Variants in SLC10A2 observed in about 807,000 individuals in gnomAD.
The protein encoded by SLC10A2 is solute carrier family 10 member 2.
SLC10A2 carries 34 observed loss-of-function variants against 27.1 expected under a neutral mutation model. That is an observed-to-expected ratio of 1.26 (90% CI 0.96 to 1.67). The LOEUF is 1.67. Among genes scored for constraint, SLC10A2 ranks in the 40% most tolerant of loss-of-function variants. The pLI is 0.00. For synonymous variants in SLC10A2, 205 were observed against 174.0 expected, an observed-to-expected ratio of 1.18 and a Z score of -1.40; for missense variants, 530 against 444.4, an observed-to-expected ratio of 1.19 and a Z score of -1.73.
chr13:103,062,976 T>C (rs1595443017), intron 1 of SLC10A2, among the ~76,000 whole-genome samples: 1 of 152,130 alleles, frequency 6.6e-6, no homozygotes, highest in East Asian at 1.9e-4. Context: ...AAAAAGGAGA[T>C]AGGATGTTTC....
At chr13:103,059,166 G>A (rs1470775582) in intron 1 of SLC10A2, among the ~76,000 whole-genome samples, 1 of 152,160 alleles carries the variant, frequency 6.6e-6, no homozygotes, top group Non-Finnish European at 1.5e-5. Flanking sequence ...GATGTGATAT[G>A]GCATTTCATT....
chr13:103,049,893 C>G (rs1362202482), intron 4 of SLC10A2, among the ~76,000 whole-genome samples: 5 of 152,144 alleles, frequency 3.3e-5, no homozygotes, highest in Non-Finnish European at 7.3e-5. Context: ...GTAATCTCAG[C>G]ACTTTGGGAG....
intron 3 of SLC10A2, among the ~76,000 whole-genome samples, chr13:103,052,115 G>T (rs1875801158): frequency 6.6e-6 from 1 of 152,212 alleles, no homozygotes; most frequent in Non-Finnish European, 1.5e-5. Context: ...GAATGGGATT[G>T]CCAGGCAATG....
intron 5 of SLC10A2, among the ~76,000 whole-genome samples, chr13:103,047,472 A>G (rs1158725512): frequency 2.0e-5 from 3 of 150,364 alleles, no homozygotes; most frequent in African/African-American, 7.4e-5. Flanking sequence ...ACCAAACTAT[A>G]CCTCTTGTTT....
chr13:103,044,523 A>C lies in SLC10A2; in HGVS notation c.*1610T>G, dbSNP rs1875550530. 6.6e-6 allele frequency: 1 copy of C among 152,174 alleles called. No homozygotes were observed. Among genetic ancestry groups the C allele is most frequent in the Admixed American group, 6.6e-5 (1 of 15,260 alleles). The allele number at this position is 152,174 out of a possible 1,614,324, so 9.4% of individuals were successfully genotyped here. A position where few individuals can be genotyped will look rare whatever the true frequency, so the allele number is the denominator to read the frequency against. ...ATTTTGTATTTGTCTAATGATGGAA[A>C]AATATGAAGTACTTATTCAACTGTA... On this transcript the variant is annotated 3_prime_UTR_variant, in exon 6 of 6. Coordinates refer to ENST00000245312, the MANE Select transcript of SLC10A2 (RefSeq NM_000452.3).
intron 1 of SLC10A2, among the ~76,000 whole-genome samples, chr13:103,059,570 G>C (rs1378609686): frequency 6.6e-6 from 1 of 152,150 alleles, no homozygotes; most frequent in Non-Finnish European, 1.5e-5. Context: ...ACTTTGCCTT[G>C]TGCCGTCCTT....
intron 2 of SLC10A2, among the ~76,000 whole-genome samples, chr13:103,053,081 GGTGTGTGTGTGTGTGTGTGT>G (rs143709540): frequency 1.0e-4 from 15 of 145,180 alleles, no homozygotes; most frequent in South Asian, 4.6e-4. Context: ...AGCTCACCAA[GGTGTGTGTGTGTGTGTGTGT>G]GTGTGTGTGT....
intron 4 of SLC10A2, among the ~76,000 whole-genome samples, chr13:103,050,775 T>A (rs117527957): frequency 6.6e-6 from 1 of 152,300 alleles, no homozygotes; most frequent in East Asian, 1.9e-4. Context: ...GGGCTAAGGA[T>A]TTTGATCCTG....
intron 1 of SLC10A2, among the ~76,000 whole-genome samples, chr13:103,064,536 C>G: frequency 6.6e-6 from 1 of 152,128 alleles, no homozygotes; most frequent in South Asian, 2.1e-4. Flanking sequence ...TATGAGAAAG[C>G]TGTTTATTGG....
At chr13:103,063,095 C>T (rs76618639) in intron 1 of SLC10A2, among the ~76,000 whole-genome samples, 5,296 of 152,258 alleles carry the variant, frequency 0.035, 141 homozygotes, top group Middle Eastern at 0.078. Context: ...ACAGCTGCAA[C>T]TTAGGTGAAA....
At position 103,045,709 on chromosome 13, in the gene SLC10A2, G is replaced by A. The variant is rs149882170; in HGVS notation, c.*424C>T. The A allele has an allele frequency of 7.7e-5, 12 of 155,762 alleles. No homozygotes were observed. The East Asian group carries it at 1.3e-3, about 17-fold the overall frequency. The allele number at this position is 155,762 out of a possible 1,614,324, so 9.6% of individuals were successfully genotyped here. A position where few individuals can be genotyped will look rare whatever the true frequency, so the allele number is the denominator to read the frequency against. On this transcript the variant is annotated 3_prime_UTR_variant, in exon 6 of 6. Coordinates refer to ENST00000245312, the MANE Select transcript of SLC10A2 (RefSeq NM_000452.3). ...ATAATCATAAACACTGAAGAAAATC[G>A]TGACCACTGTAATAATAATAATTCA...
chr13:103,052,830 A>G, intron 2 of SLC10A2, 122 bp from the exon 3 acceptor site: 1 of 711,816 alleles, frequency 1.4e-6, no homozygotes, highest in Non-Finnish European at 2.6e-6. Flanking sequence ...TTGAATACAC[A>G]AAACAGAATA....
chr13:103,053,084 GT>G (rs1875835654), intron 2 of SLC10A2, among the ~76,000 whole-genome samples: 1 of 3,030 alleles, frequency 3.3e-4, no homozygotes, highest in African/African-American at 2.7e-3. Context: ...TCACCAAGGT[GT>G]GTGTGTGTGT....
chr13:103,058,528 G>T, intron 1 of SLC10A2, 146 bp from the exon 2 acceptor site: 1 of 674,208 alleles, frequency 1.5e-6, no homozygotes, highest in Non-Finnish European at 2.7e-6. Context: ...TGTCATGGGG[G>T]TTTGTTGTAC....
chr13:103,044,150 C>T lies in SLC10A2; in HGVS notation c.*1983G>A, dbSNP rs1169418165. 3.9e-5 allele frequency: 6 copies of T among 152,114 alleles called. No homozygotes were observed. The highest frequency in any genetic ancestry group is 3.9e-4 in the Admixed American group (6 of 15,270). 9.4% of individuals were successfully genotyped at this position (152,114 alleles called of 1,614,324 possible). ...TTTAGAAAGCTCAGCTATTTTTCTTCCCACTAGCAAATTAGGGAAAAAGAC... is the reference window on the plus strand; with the variant it reads ...TTTAGAAAGCTCAGCTATTTTTCTTTCCACTAGCAAATTAGGGAAAAAGAC... On this transcript the variant is annotated 3_prime_UTR_variant, in exon 6 of 6. Transcript: ENST00000245312.
At position 103,051,257 on chromosome 13, in the gene SLC10A2, C is replaced by A. The variant is rs1176111634; in HGVS notation, c.761G>T (p.Arg254Met). Residue 254 changes from arginine (R) to methionine (M), a missense_variant and splice_region_variant, in exon 4 of 6, where the codon AGG becomes ATG. Physicochemically the swap from Arg to Met is moderately conservative, Grantham distance 91 (BLOSUM62 -1). Coordinates refer to ENST00000245312, the MANE Select transcript of SLC10A2 (RefSeq NM_000452.3). ...LARIAGLPWY[R>M]CRTVAFETGM... is the part of the protein sequence containing the mutation. ...CAATGTGATTTACTAAATGCCATAC[C>A]TGTACCAGGGTAGACCAGCAATTCT... is the stretch of plus-strand genomic sequence containing the variant. 1 of 1,613,836 alleles carries A rather than the reference C, an allele frequency of 6.2e-7. No individual in the cohort carries two copies. Among genetic ancestry groups the A allele is most frequent in the East Asian group, 2.2e-5 (1 of 44,868 alleles).
At position 103,065,860 on chromosome 13, in the gene SLC10A2, T is replaced by TA. The variant is rs1876256089; in HGVS notation, c.377+12dup. 1.9e-6 allele frequency: 3 copies of TA among 1,613,640 alleles called. No individual in the cohort carries two copies. The highest frequency in any genetic ancestry group is 2.5e-6 in the Non-Finnish European group (3 of 1,179,696). ...AAGGTGATTGCAGTAGTTAGAGGTATAGATAATCTTACCTCAGGTCCATGT... is the reference window on the plus strand; with the variant it reads ...AAGGTGATTGCAGTAGTTAGAGGTATAAGATAATCTTACCTCAGGTCCATGT... On this transcript the variant is annotated intron_variant, in intron 1 of 5. Coordinates refer to ENST00000245312, the MANE Select transcript of SLC10A2 (RefSeq NM_000452.3).
intron 1 of SLC10A2, among the ~76,000 whole-genome samples, chr13:103,064,465 G>C (rs1009028056): frequency 6.6e-6 from 1 of 152,042 alleles, no homozygotes; most frequent in Non-Finnish European, 1.5e-5. Flanking sequence ...CTTATAAAAG[G>C]GTTCCATATG....
intron 1 of SLC10A2, among the ~76,000 whole-genome samples, chr13:103,060,503 G>A (rs913428866): frequency 6.6e-6 from 1 of 151,508 alleles, no homozygotes; most frequent in Non-Finnish European, 1.5e-5. Context: ...AGCCTCCCGA[G>A]TAGCTGGGAA....
Sources: allele counts gnomAD v4.1 joint callset (sites outside exome capture counted in the v4.1 genomes callset), GRCh38; gene constraint gnomAD v4.1.1; transcripts MANE v1.5; gene names NCBI Gene and HGNC (gene_info 2026-07-23, HGNC 2026-07-21).